Variants in AEBP2 observed in about 807,000 individuals in gnomAD.
AEBP2 encodes the protein zinc finger protein AEBP2.
A neutral mutation model predicts 50.8 loss-of-function variants in AEBP2; 10 were observed. The ratio of observed to expected loss-of-function variants is 0.20; its 90% CI spans 0.12 to 0.33. AEBP2 has a LOEUF of 0.33. Among genes scored for constraint, AEBP2 ranks in the 10% least tolerant of loss-of-function variants. AEBP2 has a pLI of 1.00. For missense variants in AEBP2, 570 were observed against 688.0 expected (o/e 0.83, Z 1.92); for synonymous variants, 296 against 261.3 (o/e 1.13, Z -1.28).
chr12:19,485,682 C>G (rs1166591263), intron 3 of AEBP2, among the ~76,000 whole-genome samples: 3 of 123,300 alleles, frequency 2.4e-5, no homozygotes, highest in Non-Finnish European at 4.9e-5. Context: ...GCCTGGGTGA[C>G]AGAGAGAGAG....
At chr12:19,451,142 C>T (rs1948160447) in intron 1 of AEBP2, among the ~76,000 whole-genome samples, 2 of 152,182 alleles carry the variant, frequency 1.3e-5, no homozygotes, top group African/African-American at 2.4e-5. Flanking sequence ...GGCTGCATGA[C>T]AGCCCTTTTC....
chr12:19,480,796 G>T (rs2153374240), intron 3 of AEBP2, among the ~76,000 whole-genome samples: 1 of 152,290 alleles, frequency 6.6e-6, no homozygotes, highest in South Asian at 2.1e-4. Flanking sequence ...GAATTTCTCA[G>T]TTGTTCTTTG....
chr12:19,499,174 A>C (rs1188116695), intron 4 of AEBP2, among the ~76,000 whole-genome samples: 1 of 152,220 alleles, frequency 6.6e-6, no homozygotes, highest in Non-Finnish European at 1.5e-5. Flanking sequence ...ATGCAGGTTA[A>C]GTAGTTTGCC....
In AEBP2 at chr12:19,512,436, A is replaced by T; in HGVS notation, c.1338A>T (p.Lys446Asn). 2 of 1,580,588 alleles carry T rather than the reference A, an allele frequency of 1.3e-6. No homozygotes were observed. The highest frequency in any genetic ancestry group is 1.7e-6 in the Non-Finnish European group (2 of 1,161,294). Residue 446 changes from lysine (K) to asparagine (N), a missense_variant, in exon 6 of 8, where the codon AAA becomes AAT. Lys to Asn is a moderately conservative substitution (Grantham distance 94, BLOSUM62 0). This residue lies in a region of AEBP2 where 184 missense variants were observed against 351.2 expected (regional missense o/e 0.52). Coordinates refer to ENST00000266508, the MANE Select transcript of AEBP2 (RefSeq NM_153207.5). ...AKRKEDSGKI[K>N]LLLHWMPEDI... ...GAAAAGAAGATTCTGGGAAGATCAAACTTTTGCTTCATTGGATGCCTGAAG... is the reference window on the plus strand; with the variant it reads ...GAAAAGAAGATTCTGGGAAGATCAATCTTTTGCTTCATTGGATGCCTGAAG...
intron 1 of AEBP2, chr12:19,413,549 A>T: frequency 1.4e-6 from 1 of 693,462 alleles, no homozygotes; most frequent in Non-Finnish European, 2.6e-6. Flanking sequence ...TTTATTGTCT[A>T]TATGCCTTTT....
intron 5 of AEBP2, among the ~76,000 whole-genome samples, chr12:19,510,865 C>CTTGTTTTTTTTT (rs1949222401): frequency 1.1e-5 from 1 of 89,034 alleles, no homozygotes; most frequent in African/African-American, 4.9e-5. Flanking sequence ...AAGGTAGTGA[C>CTTGTTTTTTTTT]TTTTTTTTTT....
chr12:19,458,328 TGGA>T (rs1287815352), intron 1 of AEBP2, among the ~76,000 whole-genome samples: 2 of 152,166 alleles, frequency 1.3e-5, no homozygotes, highest in South Asian at 4.1e-4. Flanking sequence ...TCCTAGAAGT[TGGA>T]GGAGCCTAAG....
At position 19,440,354 on chromosome 12, in the gene AEBP2, A is replaced by G. The variant is rs752403929; in HGVS notation, c.655A>G (p.Met219Val). The G allele has an allele frequency of 3.4e-6, 5 of 1,468,694 alleles. No homozygotes were observed. Among genetic ancestry groups the G allele is most frequent in the Admixed American group, 5.0e-5 (2 of 39,868 alleles). 91.0% of individuals were successfully genotyped at this position (1,468,694 alleles called of 1,614,324 possible). The change falls in exon 1 of 8, where the codon ATG becomes GTG. Residue 219 changes from methionine to valine, a missense_variant. Coordinates refer to ENST00000266508, the MANE Select transcript of AEBP2 (RefSeq NM_153207.5). ...MSSDGEPLSR[M>V]DSEDSISSTI... ...GTCGGATGGGGAACCCCTGAGCCGCATGGACTCGGAGGACAGGTCAGTGCT... is the reference window on the plus strand; with the variant it reads ...GTCGGATGGGGAACCCCTGAGCCGCGTGGACTCGGAGGACAGGTCAGTGCT...
chr12:19,430,478 C>A (rs7957967), intron 1 of AEBP2, among the ~76,000 whole-genome samples: 4 of 151,938 alleles, frequency 2.6e-5, no homozygotes, highest in East Asian at 3.9e-4. Flanking sequence ...TGGTTCCATA[C>A]GGATTTTAAA....
chr12:19,440,628 G>C (rs1380799831), intron 1 of AEBP2: 4 of 1,498,394 alleles, frequency 2.7e-6, no homozygotes, highest in East Asian at 5.0e-5. Flanking sequence ...CGCTCCTCAC[G>C]GACCTCAGGA....
At chr12:19,474,763 G>A (rs1380872926) in intron 3 of AEBP2, among the ~76,000 whole-genome samples, 1 of 149,700 alleles carries the variant, frequency 6.7e-6, no homozygotes, top group Non-Finnish European at 1.5e-5. Flanking sequence ...TTGTATATGG[G>A]TACCTTGCTT....
rs878879155 is a variant in AEBP2, at chr12:19,500,246, A to G, written c.1299+25A>G. The G allele has an allele frequency of 4.2e-6, 6 of 1,423,978 alleles. No homozygotes were observed. In the South Asian group the frequency reaches 9.0e-5, roughly 21 times the overall value. 88.2% of individuals were successfully genotyped at this position (1,423,978 alleles called of 1,614,324 possible). A position where few individuals can be genotyped will look rare whatever the true frequency, so the allele number is the denominator to read the frequency against. On this transcript the variant is annotated intron_variant, in intron 5 of 7. Transcript: ENST00000266508. ...TGTAAGTATTCTTTTATTTTTTCAA[A>G]TTAAATATAAAACTTTGCAAAAAAA... is the stretch of plus-strand genomic sequence containing the variant.
At chr12:19,445,683 C>T (rs1454545984) in intron 1 of AEBP2, among the ~76,000 whole-genome samples, 2 of 152,100 alleles carry the variant, frequency 1.3e-5, no homozygotes, top group African/African-American at 2.4e-5. Flanking sequence ...CTGTATCAAT[C>T]AGGTGTTAGA....
intron 4 of AEBP2, among the ~76,000 whole-genome samples, chr12:19,498,111 A>G (rs749024220): frequency 7.2e-5 from 11 of 152,192 alleles, no homozygotes; most frequent in African/African-American, 1.2e-4. Flanking sequence ...GATGGCTTCA[A>G]TGTTTAAATT....
intron 1 of AEBP2, among the ~76,000 whole-genome samples, chr12:19,429,391 GGTT>G (rs1197873959): frequency 6.6e-6 from 1 of 152,152 alleles, no homozygotes; most frequent in Admixed American, 6.5e-5. Flanking sequence ...TGGACATTTG[GGTT>G]GGTTCCAAGT....
At position 19,439,647 on chromosome 12, in the gene AEBP2, A is replaced by G; in HGVS notation, c.-53A>G. 1 of 1,496,408 alleles carries G rather than the reference A, an allele frequency of 6.7e-7. No individual in the cohort carries two copies. Among genetic ancestry groups the G allele is most frequent in the Non-Finnish European group, 8.9e-7 (1 of 1,129,598 alleles). The allele number at this position is 1,496,408 out of a possible 1,614,324, so 92.7% of individuals were successfully genotyped here. A position where few individuals can be genotyped will look rare whatever the true frequency, so the allele number is the denominator to read the frequency against. ...GAGGGGGGCGAGGGAGAGAGAGTCG[A>G]GAGAGGGAGGCGGCGGTGGGGAGGA... On this transcript the variant is annotated 5_prime_UTR_variant, in exon 1 of 8. Transcript: ENST00000266508.
chr12:19,498,531 T>G (rs949578314), intron 4 of AEBP2, among the ~76,000 whole-genome samples: 1 of 151,922 alleles, frequency 6.6e-6, no homozygotes, highest in Non-Finnish European at 1.5e-5. Context: ...GAGAACTCTT[T>G]GAATAGCCAT....
At chr12:19,493,526 T>G (rs979801246) in intron 3 of AEBP2, among the ~76,000 whole-genome samples, 11 of 152,242 alleles carry the variant, frequency 7.2e-5, no homozygotes, top group Non-Finnish European at 1.5e-4. Context: ...GGGAAGAAGA[T>G]CCCATTATTT....
chr12:19,443,136 G>T (rs1168282202), intron 1 of AEBP2, among the ~76,000 whole-genome samples: 1 of 149,186 alleles, frequency 6.7e-6, no homozygotes. Flanking sequence ...TCACTCTATC[G>T]CCCAGGCTGG....
Sources: allele counts gnomAD v4.1 joint callset (sites outside exome capture counted in the v4.1 genomes callset), GRCh38; gene constraint gnomAD v4.1.1; regional missense constraint gnomAD v4.1.1; transcripts MANE v1.5; gene names NCBI Gene and HGNC (gene_info 2026-07-23, HGNC 2026-07-21).